Variants in INTS9 observed in about 807,000 individuals in gnomAD.
INTS9 encodes the protein protein related to CPSF subunits of 74 kDa.
A neutral mutation model predicts 79.7 loss-of-function variants in INTS9; 55 were observed. The ratio of observed to expected loss-of-function variants is 0.69; its 90% CI spans 0.56 to 0.86. The LOEUF (loss-of-function observed/expected upper bound fraction) is 0.86. INTS9 is among the 40% of genes least tolerant of loss of function. The pLI, the probability that INTS9 is intolerant of heterozygous loss-of-function variation, is 0.00. For synonymous variants in INTS9, 319 were observed against 325.2 expected (o/e 0.98, Z 0.20); for missense variants, 721 against 831.5 (o/e 0.87, Z 1.64).
At chr8:28,805,429 C>T (rs930143204) in intron 8 of INTS9, among the ~76,000 whole-genome samples, 46 of 152,204 alleles carry the variant, frequency 3.0e-4, no homozygotes, top group Non-Finnish European at 6.5e-4. Context: ...GATTCCCATT[C>T]CTCAAGCATT....
intron 6 of INTS9, among the ~76,000 whole-genome samples, chr8:28,823,745 AAAC>A (rs1441612674): frequency 6.7e-6 from 1 of 150,180 alleles, no homozygotes; most frequent in African/African-American, 2.4e-5. Context: ...ACAAATAAGA[AAAC>A]AAGGTAATTA....
chr8:28,865,032 G>GA (rs1808662634), intron 1 of INTS9, among the ~76,000 whole-genome samples: 1 of 147,508 alleles, frequency 6.8e-6, no homozygotes, highest in Non-Finnish European at 1.5e-5. Context: ...AGTTTTCATA[G>GA]TAAAAAAATC....
chr8:28,888,992 C>T (rs1487591345), intron 1 of INTS9, among the ~76,000 whole-genome samples: 1 of 152,062 alleles, frequency 6.6e-6, no homozygotes, highest in Non-Finnish European at 1.5e-5. Context: ...CAACCTCTGC[C>T]TCCCGGGTTC....
intron 10 of INTS9, among the ~76,000 whole-genome samples, chr8:28,792,071 C>A (rs1459781487): frequency 6.6e-6 from 1 of 152,116 alleles, no homozygotes; most frequent in African/African-American, 2.4e-5. Flanking sequence ...AGTGAGGCTG[C>A]AGTTATTAAA....
chr8:28,820,250 A>T (rs1214256539), intron 6 of INTS9, among the ~76,000 whole-genome samples: 4 of 152,180 alleles, frequency 2.6e-5, no homozygotes, highest in Admixed American at 2.6e-4. Flanking sequence ...CCTAGCCTTG[A>T]TGGTCTTTAC....
At chr8:28,793,289 G>A (rs1159606057) in intron 10 of INTS9, among the ~76,000 whole-genome samples, 2 of 152,086 alleles carry the variant, frequency 1.3e-5, no homozygotes, top group Non-Finnish European at 2.9e-5. Context: ...ATTCAAACAT[G>A]CACCTAAATA....
chr8:28,839,636 G>A (rs558210137), intron 4 of INTS9, among the ~76,000 whole-genome samples: 186 of 151,974 alleles, frequency 1.2e-3, no homozygotes, highest in African/African-American at 4.1e-3. Flanking sequence ...AAATAACGCC[G>A]CATATCTATA....
At chr8:28,821,761 T>C (rs1563275405) in intron 6 of INTS9, among the ~76,000 whole-genome samples, 1 of 149,304 alleles carries the variant, frequency 6.7e-6, no homozygotes, top group South Asian at 2.1e-4. Context: ...ATCTGTGGGT[T>C]TTTTTTTTTT....
At chr8:28,842,469 A>G (rs1807248354) in intron 4 of INTS9, among the ~76,000 whole-genome samples, 1 of 152,242 alleles carries the variant, frequency 6.6e-6, no homozygotes, top group South Asian at 2.1e-4. Context: ...GCAGTCCTGA[A>G]TAATCAGAAC....
At chr8:28,828,514 C>T (rs1372589776) in intron 6 of INTS9, among the ~76,000 whole-genome samples, 3 of 152,060 alleles carry the variant, frequency 2.0e-5, no homozygotes, top group Non-Finnish European at 4.4e-5. Flanking sequence ...GGAAACAGAG[C>T]CTAGAAGAAA....
chr8:28,876,451 A>G (rs1809393348), intron 1 of INTS9, among the ~76,000 whole-genome samples: 1 of 152,192 alleles, frequency 6.6e-6, no homozygotes, highest in African/African-American at 2.4e-5. Context: ...AGGCTATGTA[A>G]AAGAGTCTCT....
intron 6 of INTS9, among the ~76,000 whole-genome samples, chr8:28,818,883 G>A (rs1805660691): frequency 6.6e-6 from 1 of 151,198 alleles, no homozygotes; most frequent in African/African-American, 2.4e-5. Flanking sequence ...AGTCTTGGGA[G>A]GGTGTATGTG....
intron 2 of INTS9, 90 bp downstream of exon 2, chr8:28,859,346 A>T (rs1223895823): frequency 2.2e-6 from 3 of 1,394,192 alleles, no homozygotes; most frequent in Non-Finnish European, 2.9e-6. Flanking sequence ...ACTTACGACA[A>T]TATACTAGGT....
intron 1 of INTS9, among the ~76,000 whole-genome samples, chr8:28,864,774 C>T (rs953768476): frequency 3.9e-5 from 6 of 152,092 alleles, no homozygotes; most frequent in Admixed American, 2.0e-4. Context: ...TGGCCAGATG[C>T]GGTGGCTCAC....
intron 2 of INTS9, among the ~76,000 whole-genome samples, chr8:28,857,004 G>C (rs1808204869): frequency 6.6e-6 from 1 of 152,112 alleles, no homozygotes; most frequent in Non-Finnish European, 1.5e-5. Flanking sequence ...AATTCACCAA[G>C]AATAATGGCC....
At chr8:28,819,860 GGATA>G (rs1370128737) in intron 6 of INTS9, among the ~76,000 whole-genome samples, 1 of 152,152 alleles carries the variant, frequency 6.6e-6, no homozygotes, top group Non-Finnish European at 1.5e-5. Context: ...TATATATTTA[GGATA>G]GTTAGTTCTT....
intron 6 of INTS9, among the ~76,000 whole-genome samples, chr8:28,822,354 G>A (rs1371377153): frequency 6.6e-6 from 1 of 152,072 alleles, no homozygotes; most frequent in Non-Finnish European, 1.5e-5. Flanking sequence ...ATTGGGAATT[G>A]GCAAACCTTT....
At chr8:28,846,923 G>A in intron 3 of INTS9, 114 bp from the exon 4 acceptor site, 1 of 795,598 alleles carries the variant, frequency 1.3e-6, no homozygotes, top group South Asian at 1.5e-5. Flanking sequence ...TACTAGAGCT[G>A]GAGGGAAGCT....
intron 4 of INTS9, among the ~76,000 whole-genome samples, chr8:28,839,511 G>A (rs1415227227): frequency 3.3e-5 from 5 of 152,110 alleles, no homozygotes; most frequent in Non-Finnish European, 7.3e-5. Context: ...GAACAAAGCT[G>A]GAGGCATCAT....
Sources: gnomAD v4.1 joint callset for allele counts (sites outside exome capture counted in the v4.1 genomes callset) on GRCh38, gnomAD v4.1.1 for gene constraint, MANE v1.5 for transcripts, NCBI Gene and HGNC (gene_info 2026-07-23, HGNC 2026-07-21) for gene names.